The following ZNF821 variants were observed in gnomAD, a reference collection of about 807,000 sequenced individuals.
ZNF821 encodes the protein zinc finger protein 821.
In ZNF821, 16 loss-of-function variants were observed where a neutral mutation model predicts 44.3. That is an observed-to-expected ratio of 0.36 (90% CI 0.24 to 0.55). ZNF821 has a LOEUF of 0.55. Ranked by LOEUF, ZNF821 falls within the 20% of genes least tolerant of loss-of-function variation. ZNF821 has a pLI of 0.86. For missense variants in ZNF821, 436 were observed against 547.6 expected (o/e 0.80, Z 2.03); for synonymous variants, 204 against 197.6 (o/e 1.03, Z -0.27).
chr16:71,868,007 T>G lies in ZNF821; in HGVS notation c.71A>C (p.Gln24Pro). Reference protein sequence around the residue: ...WDQVFAGLEEQARQAMMKTDF... With the variant: ...WDQVFAGLEEPARQAMMKTDF... The stretch of plus-strand genomic sequence containing the variant: ...AGTTTTCATCATCGCCTGGCGGGCT[T>G]GCTCTTCTAGCCCAGCAAATACTTG... Residue 24 changes from glutamine (Q) to proline (P), a missense_variant, in exon 4 of 8, where the codon CAA (glutamine) becomes CCA (proline). Transcript: ENST00000425432. 6 of 1,535,934 alleles carry G rather than the reference T, an allele frequency of 3.9e-6. No individual in the cohort carries two copies. Among genetic ancestry groups the G allele is most frequent in the African/African-American group, 1.4e-5 (1 of 73,188 alleles).
intron 6 of ZNF821, among the ~76,000 whole-genome samples, chr16:71,863,636 C>A (rs1436441931): frequency 6.6e-6 from 1 of 152,058 alleles, no homozygotes; most frequent in Non-Finnish European, 1.5e-5. Flanking sequence ...CAATCCTCCC[C>A]ACTTCAGCCT....
At chr16:71,874,805 T>C (rs533958834) in intron 3 of ZNF821, among the ~76,000 whole-genome samples, 1 of 152,322 alleles carries the variant, frequency 6.6e-6, no homozygotes, top group East Asian at 1.9e-4. Context: ...ATATATTTAG[T>C]TGGTTCTATT....
upstream of ZNF821, among the ~76,000 whole-genome samples, chr16:71,887,313 G>A (rs1183637367): frequency 7.1e-6 from 1 of 141,670 alleles, no homozygotes; most frequent in African/African-American, 2.7e-5. Context: ...AGGCTGGAGT[G>A]CAGTGGCGCG....
intron 3 of ZNF821, among the ~76,000 whole-genome samples, chr16:71,873,863 AG>A (rs1327937533): frequency 6.6e-6 from 1 of 151,820 alleles, no homozygotes; most frequent in Non-Finnish European, 1.5e-5. Flanking sequence ...ATGTTGCCCA[AG>A]CTGGTCTCGA....
intron 1 of ZNF821, chr16:71,891,302 C>A (rs565221955): frequency 6.6e-6 from 1 of 152,220 alleles, no homozygotes; most frequent in African/African-American, 2.4e-5. Flanking sequence ...TTTGTCCCAA[C>A]AGCAAAACTG....
intron 2 of ZNF821, among the ~76,000 whole-genome samples, chr16:71,880,701 A>G (rs1051282666): frequency 2.0e-4 from 31 of 152,336 alleles, no homozygotes; most frequent in Non-Finnish European, 2.4e-4. Context: ...ATCCACATTG[A>G]TGAGTACTAA....
chr16:71,861,758 G>T lies in ZNF821; in HGVS notation c.584+18C>A. On this transcript the variant is annotated intron_variant, in intron 7 of 7. Coordinates refer to ENST00000425432, the MANE Select transcript of ZNF821 (RefSeq NM_001201552.2). ...AGTAATTTGCTCCCAGCACAACAGG[G>T]ATAAGTGCCCAGCTGACCTGTTAAA... The T allele has an allele frequency of 1.2e-6, 2 of 1,613,250 alleles. No homozygotes were observed.
At chr16:71,866,733 T>C (rs1391983092) in intron 4 of ZNF821, among the ~76,000 whole-genome samples, 2 of 152,194 alleles carry the variant, frequency 1.3e-5, no homozygotes, top group East Asian at 1.9e-4. Flanking sequence ...GTGGCTTCCA[T>C]AGGTTTTCCA....
chr16:71,877,348 C>A (rs1449673187), intron 3 of ZNF821, among the ~76,000 whole-genome samples: 1 of 152,174 alleles, frequency 6.6e-6, no homozygotes, highest in Non-Finnish European at 1.5e-5. Context: ...GCAGCCTCAA[C>A]TTCCCAGGCT....
chr16:71,877,624 A>G (rs1191095710), intron 3 of ZNF821, among the ~76,000 whole-genome samples: 1 of 151,864 alleles, frequency 6.6e-6, no homozygotes, highest in Non-Finnish European at 1.5e-5. Context: ...TGTCCTCTCC[A>G]ATGTAGGGTT....
upstream of ZNF821, among the ~76,000 whole-genome samples, chr16:71,885,554 G>A (rs1206094619): frequency 6.6e-6 from 1 of 152,200 alleles, no homozygotes; most frequent in East Asian, 1.9e-4. Context: ...GGGCTAACGA[G>A]GATGCTGTCA....
chr16:71,875,018 T>C (rs899516653), intron 3 of ZNF821, among the ~76,000 whole-genome samples: 7 of 152,338 alleles, frequency 4.6e-5, no homozygotes, highest in Admixed American at 2.0e-4. Flanking sequence ...GTGTATCACC[T>C]GAGAAGCCTT....
upstream of ZNF821, among the ~76,000 whole-genome samples, chr16:71,884,426 G>A (rs1295884596): frequency 6.6e-6 from 1 of 151,468 alleles, no homozygotes; most frequent in Non-Finnish European, 1.5e-5. Context: ...TGTCTCAGCC[G>A]CTCAGCTCCC....
intron 6 of ZNF821, 54 bp from the exon 7 acceptor site, chr16:71,861,996 C>G (rs2033950427): frequency 1.3e-6 from 2 of 1,588,278 alleles, no homozygotes; most frequent in East Asian, 4.5e-5. Context: ...GGACAATCTG[C>G]ACCCACTTAG....
chr16:71,888,463 G>C (rs1014942432), upstream of ZNF821, among the ~76,000 whole-genome samples: 1 of 151,594 alleles, frequency 6.6e-6, no homozygotes, highest in Non-Finnish European at 1.5e-5. Context: ...AGGCCGGGGT[G>C]GGGGGCAATT....
exon 1 of ZNF821, chr16:71,895,119 A>G: frequency 3.1e-6 from 1 of 326,272 alleles, no homozygotes; most frequent in South Asian, 3.8e-5. Context: ...GTCCAGCGAA[A>G]GGCGGCAGCA....
intron 3 of ZNF821, among the ~76,000 whole-genome samples, chr16:71,870,831 A>T (rs1041741310): frequency 1.3e-4 from 20 of 152,190 alleles, no homozygotes; most frequent in African/African-American, 4.1e-4. Context: ...GCATGTTTTC[A>T]GACCTAGGAG....
chr16:71,887,253 T>C (rs2036863405), upstream of ZNF821, among the ~76,000 whole-genome samples: 1 of 135,830 alleles, frequency 7.4e-6, no homozygotes, highest in Non-Finnish European at 1.5e-5. Context: ...TAACTCTATA[T>C]TCAACCTTTT....
At chr16:71,884,676 GC>G, upstream of ZNF821, 1 of 152,276 alleles carries the variant, frequency 6.6e-6, no homozygotes, top group African/African-American at 2.4e-5. Context: ...GGTGGGAGGG[GC>G]CAAGTTCAGC....
Sources: allele counts gnomAD v4.1 joint callset (sites outside exome capture counted in the v4.1 genomes callset), GRCh38; gene constraint gnomAD v4.1.1; transcripts MANE v1.5; gene names NCBI Gene and HGNC (gene_info 2026-07-23, HGNC 2026-07-21).